Variants in NDRG4 observed in about 807,000 individuals in gnomAD.
NDRG4 encodes the protein NDRG family member 4, also known as protein NDRG4.
A neutral mutation model predicts 55.8 loss-of-function variants in NDRG4; 38 were observed. That is an observed-to-expected ratio of 0.68 (90% CI 0.53 to 0.89). The LOEUF is 0.89. NDRG4 is among the 40% of genes least tolerant of loss of function. The probability of loss-of-function intolerance (pLI) is 0.00; values close to 1 mark genes in which losing one functional copy is unlikely to be tolerated. For missense variants in NDRG4, 455 were observed against 468.6 expected (o/e 0.97, Z 0.27); for synonymous variants, 190 against 182.7 (o/e 1.04, Z -0.32).
intron 1 of NDRG4, among the ~76,000 whole-genome samples, chr16:58,486,551 T>C (rs1212429800): frequency 6.6e-6 from 1 of 152,206 alleles, no homozygotes; most frequent in Non-Finnish European, 1.5e-5. Flanking sequence ...TTAAATTCTT[T>C]TATGAATTTC....
intron 5 of NDRG4, 127 bp from the exon 6 acceptor site, chr16:58,506,260 G>C (rs753995120): frequency 4.8e-6 from 4 of 839,386 alleles, no homozygotes; most frequent in South Asian, 4.0e-5. Context: ...TCTGGACATG[G>C]GTGTGCATGC....
intron 1 of NDRG4, chr16:58,501,312 C>T (rs904553427): frequency 1.0e-5 from 4 of 381,232 alleles, no homozygotes; most frequent in South Asian, 1.5e-4. Context: ...GCGCAAAGCC[C>T]GGCTCAAAGC....
intron 1 of NDRG4, among the ~76,000 whole-genome samples, chr16:58,473,432 G>C (rs1221405868): frequency 6.6e-6 from 1 of 152,076 alleles, no homozygotes; most frequent in Admixed American, 6.6e-5. Context: ...CCAAAGTGCT[G>C]GGATTACAGG....
At chr16:58,489,105 C>T (rs2151691772) in intron 2 of NDRG4, among the ~76,000 whole-genome samples, 1 of 152,174 alleles carries the variant, frequency 6.6e-6, no homozygotes, top group African/African-American at 2.4e-5. Context: ...TTGAGACCAG[C>T]CTGGCCAACA....
In NDRG4 at chr16:58,504,758, C is replaced by T. The variant is rs9928398; in HGVS notation, c.372+109C>T. On this transcript the variant is annotated intron_variant, in intron 5 of 14. Coordinates refer to ENST00000570248, the MANE Select transcript of NDRG4 (RefSeq NM_001242835.2). The stretch of plus-strand genomic sequence containing the variant: ...AGCCTTGAGGAAGTGTCCCTGCTCT[C>T]GCTTCTCCTCCTCCCACCTCCTCTT... 672,519 of 1,153,776 alleles carry T rather than the reference C, an allele frequency of 0.58. 203,328 individuals carry two copies. Among genetic ancestry groups the T allele is most frequent in the East Asian group, 0.9 (37,248 of 41,590 alleles). 71.5% of individuals were successfully genotyped at this position (1,153,776 alleles called of 1,614,324 possible).
At chr16:58,477,053 A>C (rs2033748714) in intron 1 of NDRG4, among the ~76,000 whole-genome samples, 1 of 152,044 alleles carries the variant, frequency 6.6e-6, no homozygotes, top group Non-Finnish European at 1.5e-5. Context: ...GGGGGAAGCT[A>C]GAATGCACTC....
rs552457483 is a variant in NDRG4, at chr16:58,486,389, G to A, written c.-23-1367G>A. ...TGTCCAGGTTGGTCCTGAACCTCTG[G>A]GCTCAAGCACTCCTCCGGCCTCAGC... On this transcript the variant is annotated intron_variant, in intron 1 of 15. Transcript: ENST00000258187. Among the ~76,000 whole-genome samples the A allele has an allele frequency of 5.3e-5, 8 of 151,652 alleles. No homozygotes were observed. In the South Asian group the frequency reaches 1.7e-3, roughly 32 times the overall value.
At chr16:58,501,727 G>T in intron 1 of NDRG4, 2 of 287,068 alleles carry the variant, frequency 7.0e-6, no homozygotes. Flanking sequence ...CATCCTGGGA[G>T]ATGAGCCCTA....
upstream of NDRG4, chr16:58,500,016 C>A (rs2036863035): frequency 1.6e-6 from 2 of 1,242,208 alleles, no homozygotes; most frequent in Admixed American, 5.4e-5. Context: ...GGCTTGTCTC[C>A]CAGCAGCCAA....
chr16:58,464,562 C>CACTT lies in NDRG4; in HGVS notation c.-24+766_-24+767insCTTA. The CACTT allele has an allele frequency of 1.7e-6, 2 of 1,159,206 alleles. No individual in the cohort carries two copies. The highest frequency in any genetic ancestry group is 5.6e-5 in the South Asian group (2 of 36,000). 71.8% of individuals were successfully genotyped at this position (1,159,206 alleles called of 1,614,324 possible). ...GGGACTGGGGCGGCTCGGGTCTGAG[C>CACTT]AGGAAGGGGTGCGGACCCCAACTAA... On this transcript the variant is annotated intron_variant, in intron 1 of 15. Transcript: ENST00000258187. This position sits in a 1 kb window ranked among gnomAD's most constrained non-coding sequence, Gnocchi z 4.8.
intron 1 of NDRG4, chr16:58,502,188 T>C: frequency 2.7e-6 from 1 of 371,436 alleles, no homozygotes; most frequent in South Asian, 1.9e-5. Flanking sequence ...TCCTCCTCTA[T>C]GGCTTGGGCC....
chr16:58,506,051 AC>A (rs2037926444), intron 5 of NDRG4: 4 of 443,602 alleles, frequency 9.0e-6, no homozygotes, highest in Admixed American at 7.3e-5. Flanking sequence ...AAGCAAAAAA[AC>A]AACATGCTTA....
Position 58,500,221 on chromosome 16 carries a change from G to C in NDRG4, c.-28G>C. On this transcript the variant is annotated 5_prime_UTR_variant, in exon 1 of 15. Coordinates refer to ENST00000570248, the MANE Select transcript of NDRG4 (RefSeq NM_001242835.2). Reference sequence around the variant, plus strand: ...CTCAGGCCTTTGTTTGTCCTTCCTGGTAGAGGCGGGTTCCCTCCCTCGGCA... The same window carrying C: ...CTCAGGCCTTTGTTTGTCCTTCCTGCTAGAGGCGGGTTCCCTCCCTCGGCA... 1 of 1,536,126 alleles carries C rather than the reference G, an allele frequency of 6.5e-7. No homozygotes were observed. The highest frequency in any genetic ancestry group is 8.7e-7 in the Non-Finnish European group (1 of 1,146,892).
chr16:58,487,889 C>G (rs1597169005), intron 2 of NDRG4: 3 of 1,439,338 alleles, frequency 2.1e-6, no homozygotes, highest in Admixed American at 2.3e-5. Context: ...TAGGGCCGAG[C>G]GCGCCACCTC....
Position 58,500,159 on chromosome 16 carries a change from C to A in NDRG4, c.-90C>A. ...TGCCCCATCACAGAGCCGACCATCTCCCACTCGAGCTGCCCCCGCCCTCTG... is the reference window on the plus strand; with the variant it reads ...TGCCCCATCACAGAGCCGACCATCTACCACTCGAGCTGCCCCCGCCCTCTG... On this transcript the variant is annotated 5_prime_UTR_variant, in exon 1 of 15. Coordinates refer to ENST00000570248, the MANE Select transcript of NDRG4 (RefSeq NM_001242835.2). The A allele has an allele frequency of 6.5e-7, 1 of 1,535,652 alleles. No individual in the cohort carries two copies. Among genetic ancestry groups the A allele is most frequent in the South Asian group, 1.2e-5 (1 of 83,934 alleles).
At chr16:58,490,636 C>T (rs762866190) in intron 2 of NDRG4, among the ~76,000 whole-genome samples, 1 of 152,186 alleles carries the variant, frequency 6.6e-6, no homozygotes, top group Non-Finnish European at 1.5e-5. Flanking sequence ...AGCACAGGCC[C>T]CATGCTGTGG....
chr16:58,490,450 T>C (rs2035645655), intron 2 of NDRG4, among the ~76,000 whole-genome samples: 1 of 152,096 alleles, frequency 6.6e-6, no homozygotes, highest in Admixed American at 6.5e-5. Flanking sequence ...CCTCCCTCCC[T>C]GACTCAGTGG....
intron 2 of NDRG4, among the ~76,000 whole-genome samples, chr16:58,494,071 C>T (rs2550428): frequency 0.65 from 98,482 of 152,022 alleles, 32,476 homozygotes; most frequent in Admixed American, 0.77. Context: ...CTCCCCTCAT[C>T]GGTGAAGCCT....
At chr16:58,487,634 TTGGGGGCCAGGGGGACAGTGCATC>T in intron 1 of NDRG4, 1 of 699,454 alleles carries the variant, frequency 1.4e-6, no homozygotes, top group South Asian at 2.3e-5. Flanking sequence ...TGGGCTGCGC[TTGGGGGCCAGGGGGACAGTGCATC>T]TGGTTTCCGC....
Sources: gnomAD v4.1 joint callset for allele counts (sites outside exome capture counted in the v4.1 genomes callset) on GRCh38, gnomAD v4.1.1 for gene constraint, Gnocchi (gnomAD v3.1) non-coding constraint, MANE v1.5 for transcripts, NCBI Gene and HGNC (gene_info 2026-07-23, HGNC 2026-07-21) for gene names.